FRMD4A: variants seen among roughly 807,000 people sequenced by gnomAD.
The protein encoded by FRMD4A is FERM domain-containing protein 4A.
FRMD4A carries 29 observed loss-of-function variants against 129.1 expected under a neutral mutation model. The ratio of observed to expected loss-of-function variants is 0.22; its 90% CI spans 0.17 to 0.31. The LOEUF (loss-of-function observed/expected upper bound fraction) is 0.31. Among genes scored for constraint, FRMD4A ranks in the 10% least tolerant of loss-of-function variants. The probability of loss-of-function intolerance (pLI) is 1.00; values close to 1 mark genes in which losing one functional copy is unlikely to be tolerated. For missense variants in FRMD4A, 1,272 were observed against 1,375.8 expected (o/e 0.92, Z 1.19); for synonymous variants, 634 against 571.6 (o/e 1.11, Z -1.56).
intron 2 of FRMD4A, among the ~76,000 whole-genome samples, chr10:14,015,047 TCTTC>T (rs2095694350): frequency 2.3e-5 from 3 of 129,638 alleles, no homozygotes; most frequent in South Asian, 3.0e-4. Flanking sequence ...TCCCTTCCTT[TCTTC>T]CTTCCTTTTC....
intron 2 of FRMD4A, among the ~76,000 whole-genome samples, chr10:14,056,437 C>T (rs959731526): frequency 3.6e-4 from 54 of 151,622 alleles, no homozygotes; most frequent in African/African-American, 1.3e-3. Flanking sequence ...CCCAGTATTT[C>T]TTTAGTTGCA....
intron 2 of FRMD4A, among the ~76,000 whole-genome samples, chr10:14,064,238 A>G (rs1239496441): frequency 6.6e-6 from 1 of 152,216 alleles, no homozygotes; most frequent in Admixed American, 6.5e-5. Context: ...AAAATAGGCT[A>G]TTTTTATATT....
At chr10:14,021,440 C>T (rs1832746820) in intron 2 of FRMD4A, among the ~76,000 whole-genome samples, 2 of 151,786 alleles carry the variant, frequency 1.3e-5, no homozygotes, top group African/African-American at 2.4e-5. Flanking sequence ...ACCTGTAGTC[C>T]CACCTACTTG....
At chr10:13,855,057 G>A (rs961603534) in intron 3 of FRMD4A, among the ~76,000 whole-genome samples, 5 of 152,094 alleles carry the variant, frequency 3.3e-5, no homozygotes, top group Non-Finnish European at 4.4e-5. Flanking sequence ...TGTGAGTAAC[G>A]TATGATCTAC....
At chr10:13,847,378 G>A (rs1328231704) in intron 3 of FRMD4A, among the ~76,000 whole-genome samples, 1 of 152,174 alleles carries the variant, frequency 6.6e-6, no homozygotes, top group Non-Finnish European at 1.5e-5. Context: ...GGCCCGCTGG[G>A]GTAGAAGACT....
intron 2 of FRMD4A, among the ~76,000 whole-genome samples, chr10:14,150,359 G>C (rs540749654): frequency 6.6e-6 from 1 of 152,246 alleles, no homozygotes; most frequent in East Asian, 1.9e-4. Flanking sequence ...AAGTAGTATC[G>C]GCTTCATTCT....
At chr10:14,080,663 C>T (rs1389181290) in intron 2 of FRMD4A, among the ~76,000 whole-genome samples, 2 of 151,884 alleles carry the variant, frequency 1.3e-5, no homozygotes, top group African/African-American at 4.8e-5. Context: ...TAAGCCAGCC[C>T]TACCATTTTG....
At chr10:14,260,021 G>T (rs1036972451) in intron 2 of FRMD4A, among the ~76,000 whole-genome samples, 12 of 102,970 alleles carry the variant, frequency 1.2e-4, no homozygotes, top group African/African-American at 4.6e-4. Context: ...GTCTAGAAAT[G>T]GCAAAAAAAA....
Position 13,965,150 on chromosome 10 carries a change from A to G in FRMD4A, c.46-106238T>C, listed in dbSNP as rs566158996. Among the ~76,000 whole-genome samples, 28 of 151,144 alleles carry G rather than the reference A, an allele frequency of 1.9e-4. No individual in the cohort carries two copies. In the South Asian group the frequency reaches 5.9e-3, roughly 32 times the overall value. On this transcript the variant is annotated intron_variant, in intron 2 of 24. Coordinates refer to ENST00000357447, the MANE Select transcript of FRMD4A (RefSeq NM_018027.5). ...GGAGAGAGGAATATATTTGAGGTCC[A>G]CAGACATTGCCATCTGTAATCAAGT... is the stretch of plus-strand genomic sequence containing the variant.
chr10:14,088,978 C>T (rs1836473667), intron 2 of FRMD4A, among the ~76,000 whole-genome samples: 1 of 151,748 alleles, frequency 6.6e-6, no homozygotes, highest in Non-Finnish European at 1.5e-5. Flanking sequence ...TCTCCAGCTG[C>T]CTGTAATAAT....
chr10:14,249,415 T>A (rs1844359011), intron 2 of FRMD4A, among the ~76,000 whole-genome samples: 1 of 151,264 alleles, frequency 6.6e-6, no homozygotes, highest in South Asian at 2.1e-4. Context: ...AAAGAACTAG[T>A]GTTTGTGTGA....
chr10:14,261,796 C>T (rs1452889544), intron 2 of FRMD4A, among the ~76,000 whole-genome samples: 1 of 152,006 alleles, frequency 6.6e-6, no homozygotes, highest in East Asian at 1.9e-4. Flanking sequence ...TCGTTTTTTC[C>T]TCCTAACACT....
intron 2 of FRMD4A, among the ~76,000 whole-genome samples, chr10:14,055,143 C>A (rs998563806): frequency 6.6e-6 from 1 of 151,932 alleles, no homozygotes; most frequent in Non-Finnish European, 1.5e-5. Flanking sequence ...GAGAAGATCC[C>A]AGGTCTATAT....
intron 2 of FRMD4A, among the ~76,000 whole-genome samples, chr10:14,003,258 G>A (rs77279269): frequency 0.026 from 4,028 of 152,242 alleles, 65 homozygotes; most frequent in Middle Eastern, 0.037. Context: ...GCTGTGAGAA[G>A]GAGACGATGG....
intron 2 of FRMD4A, among the ~76,000 whole-genome samples, chr10:13,878,677 C>T (rs982941464): frequency 2.0e-5 from 3 of 152,038 alleles, no homozygotes; most frequent in East Asian, 1.9e-4. Context: ...CACTTGAACC[C>T]GGGAGGCGGA....
At chr10:14,208,181 G>C (rs1842839578) in intron 2 of FRMD4A, among the ~76,000 whole-genome samples, 1 of 152,132 alleles carries the variant, frequency 6.6e-6, no homozygotes, top group Admixed American at 6.6e-5. Context: ...GAGCAACAGA[G>C]CCAGACCCAG....
intron 2 of FRMD4A, among the ~76,000 whole-genome samples, chr10:14,209,229 C>T (rs191723383): frequency 1.3e-5 from 2 of 152,184 alleles, no homozygotes; most frequent in South Asian, 4.1e-4. Flanking sequence ...ATAATTTTGT[C>T]AAGTTATTTG....
intron 3 of FRMD4A, among the ~76,000 whole-genome samples, chr10:13,824,811 C>T (rs1313191305): frequency 2.0e-5 from 3 of 148,092 alleles, no homozygotes; most frequent in African/African-American, 5.0e-5. Flanking sequence ...AGGAGAATCG[C>T]TTGAACCCGG....
intron 13 of FRMD4A, among the ~76,000 whole-genome samples, chr10:13,706,200 G>A (rs1437949853): frequency 6.6e-6 from 1 of 152,196 alleles, no homozygotes; most frequent in East Asian, 1.9e-4. Flanking sequence ...TCTCCCTGGG[G>A]CTACCTTCTT....
Sources: gnomAD v4.1 joint callset for allele counts (sites outside exome capture counted in the v4.1 genomes callset) on GRCh38, gnomAD v4.1.1 for gene constraint, MANE v1.5 for transcripts, NCBI Gene and HGNC (gene_info 2026-07-23, HGNC 2026-07-21) for gene names.